The following OR8B8 variants were observed in gnomAD, a reference collection of about 807,000 sequenced individuals.
OR8B8 encodes the protein olfactory receptor 8B8.
Under a neutral mutation model 10.5 loss-of-function variants are expected in OR8B8, and 8 were observed. The observed-to-expected ratio is 0.76, with a 90% CI of 0.45 to 1.38. The LOEUF is 1.38. OR8B8 is among the 40% of genes most tolerant of loss of function. OR8B8 has a pLI of 0.00. For synonymous variants in OR8B8, 150 were observed against 145.2 expected (o/e 1.03, Z -0.24); for missense variants, 390 against 380.5 (o/e 1.03, Z -0.21).
intron 1 of OR8B8, among the ~76,000 whole-genome samples, chr11:124,442,568 G>GT (rs35415315): frequency 0.15 from 22,730 of 152,116 alleles, 1,891 homozygotes; most frequent in African/African-American, 0.2. Context: ...TTGGTTAAGA[G>GT]TTTTTTCCAA....
rs117310666 is a variant in OR8B8, at chr11:124,441,580, G to A, written c.-109C>T. On this transcript the variant is annotated 5_prime_UTR_variant, in exon 2 of 3. Coordinates refer to ENST00000642064, the MANE Select transcript of OR8B8 (RefSeq NM_012378.2). ...CAGAGTTTCAGTGATGTGCCTTTAG[G>A]TCCAGCTCTTATCTTCACTTGTTCA... is the stretch of plus-strand genomic sequence containing the variant. 6.2e-6 allele frequency: 1 copy of A among 161,638 alleles called. No individual in the cohort carries two copies. The highest frequency in any genetic ancestry group is 1.4e-5 in the Non-Finnish European group (1 of 72,738). The allele number at this position is 161,638 out of a possible 1,614,324, so 10.0% of individuals were successfully genotyped here.
In OR8B8 at chr11:124,443,077, T is replaced by G. The variant is rs545075893; in HGVS notation, c.-152-1454A>C. 3.8e-3 allele frequency among the ~76,000 whole-genome samples: 577 copies of G among 152,140 alleles called. 9 individuals are homozygous for G. Among genetic ancestry groups the G allele is most frequent in the African/African-American group, 0.013 (557 of 41,514 alleles). Reference sequence around the variant, plus strand: ...ATTGATCTGGATGTTTAGGCAGGTTTGGGATTCAATGCCCTAATACTCTAT... The same window carrying G: ...ATTGATCTGGATGTTTAGGCAGGTTGGGGATTCAATGCCCTAATACTCTAT... On this transcript the variant is annotated intron_variant, in intron 1 of 2. Transcript: ENST00000642064.
rs1861415757 is a variant in OR8B8, at chr11:124,437,624, CTT to C, written c.*2524_*2525del. 6 of 122,240 alleles carry C rather than the reference CTT, an allele frequency of 4.9e-5. No homozygotes were observed. The South Asian group carries it at 1.1e-3, about 22-fold the overall frequency. 7.6% of individuals were successfully genotyped at this position (122,240 alleles called of 1,614,324 possible). ...AGAGGTGGGGGAGGTCTCTCTCAGA[CTT>C]TGTGTGTGTGTGTGTGTGTGTGTGT... On this transcript the variant is annotated 3_prime_UTR_variant, in exon 3 of 3. Transcript: ENST00000642064.
At chr11:124,442,859 A>C (rs1284407838) in intron 1 of OR8B8, among the ~76,000 whole-genome samples, 1 of 152,208 alleles carries the variant, frequency 6.6e-6, no homozygotes, top group Non-Finnish European at 1.5e-5. Flanking sequence ...AATTTGAATC[A>C]ATATTTAAAA....
rs1022340097 is a variant in OR8B8, at chr11:124,438,283, GTGT to G, written c.*1864_*1866del. The stretch of plus-strand genomic sequence containing the variant: ...TCAATCCCATAGTCAGCTAAATTCT[GTGT>G]TGTTTATCTAGTCCATGCTGTCCAA... On this transcript the variant is annotated 3_prime_UTR_variant, in exon 3 of 3. Coordinates refer to ENST00000642064, the MANE Select transcript of OR8B8 (RefSeq NM_012378.2). 1.3e-5 allele frequency: 2 copies of G among 152,068 alleles called. No homozygotes were observed. Among genetic ancestry groups the G allele is most frequent in the African/African-American group, 4.8e-5 (2 of 41,398 alleles). 9.4% of individuals were successfully genotyped at this position (152,068 alleles called of 1,614,324 possible). A position where few individuals can be genotyped will look rare whatever the true frequency, so the allele number is the denominator to read the frequency against.
At position 124,437,920 on chromosome 11, in the gene OR8B8, G is replaced by A. The variant is rs1344331608; in HGVS notation, c.*2230C>T. 6.6e-6 allele frequency: 1 copy of A among 152,046 alleles called. No homozygotes were observed. The highest frequency in any genetic ancestry group is 1.9e-4 in the East Asian group (1 of 5,186). The allele number at this position is 152,046 out of a possible 1,614,324, so 9.4% of individuals were successfully genotyped here. ...AAATATATCTTGTAAATGGAATGTAGAAATAATCTGATAGAACATGATCAT... is the reference window on the plus strand; with the variant it reads ...AAATATATCTTGTAAATGGAATGTAAAAATAATCTGATAGAACATGATCAT... On this transcript the variant is annotated 3_prime_UTR_variant, in exon 3 of 3. Transcript: ENST00000642064.
In OR8B8 at chr11:124,439,659, A is replaced by G. The variant is rs1323159135; in HGVS notation, c.*491T>C. The G allele has an allele frequency of 6.4e-6, 1 of 157,100 alleles. No homozygotes were observed. Among genetic ancestry groups the G allele is most frequent in the Non-Finnish European group, 1.4e-5 (1 of 70,926 alleles). The allele number at this position is 157,100 out of a possible 1,614,324, so 9.7% of individuals were successfully genotyped here. ...TTTCCCTGGTCATTTGGCCAAGGCCATCTCAACAAAAAATTCTATATACTT... is the reference window on the plus strand; with the variant it reads ...TTTCCCTGGTCATTTGGCCAAGGCCGTCTCAACAAAAAATTCTATATACTT... On this transcript the variant is annotated 3_prime_UTR_variant, in exon 3 of 3. Coordinates refer to ENST00000642064, the MANE Select transcript of OR8B8 (RefSeq NM_012378.2).
chr11:124,445,138 A>G (rs1438584660), intron 1 of OR8B8, among the ~76,000 whole-genome samples: 3 of 152,156 alleles, frequency 2.0e-5, no homozygotes, highest in Admixed American at 1.3e-4. Context: ...CTAGTCTCCT[A>G]GTCTCAGCAA....
In OR8B8 at chr11:124,439,656, G is replaced by C. The variant is rs1387152245; in HGVS notation, c.*494C>G. On this transcript the variant is annotated 3_prime_UTR_variant, in exon 3 of 3. Coordinates refer to ENST00000642064, the MANE Select transcript of OR8B8 (RefSeq NM_012378.2). ...GAATTTCCCTGGTCATTTGGCCAAG[G>C]CCATCTCAACAAAAAATTCTATATA... is the stretch of plus-strand genomic sequence containing the variant. 1 of 156,880 alleles carries C rather than the reference G, an allele frequency of 6.4e-6. No homozygotes were observed. Among genetic ancestry groups the C allele is most frequent in the African/African-American group, 2.4e-5 (1 of 41,458 alleles). The allele number at this position is 156,880 out of a possible 1,614,324, so 9.7% of individuals were successfully genotyped here.
chr11:124,444,857 AG>A (rs1225632532), intron 1 of OR8B8, among the ~76,000 whole-genome samples: 15 of 152,230 alleles, frequency 9.9e-5, no homozygotes. Flanking sequence ...GAGACAAGAG[AG>A]GGTCTGCCAT....
At position 124,437,626 on chromosome 11, in the gene OR8B8, T is replaced by TTGTGTG. The variant is rs66912990; in HGVS notation, c.*2518_*2523dup. 0.013 allele frequency: 1,844 copies of TTGTGTG among 143,962 alleles called. 14 individuals carry two copies. Among genetic ancestry groups the TTGTGTG allele is most frequent in the Admixed American group, 0.02 (291 of 14,648 alleles). The allele number at this position is 143,962 out of a possible 1,614,324, so 8.9% of individuals were successfully genotyped here. On this transcript the variant is annotated 3_prime_UTR_variant, in exon 3 of 3. Coordinates refer to ENST00000642064, the MANE Select transcript of OR8B8 (RefSeq NM_012378.2). ...AGGTGGGGGAGGTCTCTCTCAGACTTTGTGTGTGTGTGTGTGTGTGTGTGT... is the reference window on the plus strand; with the variant it reads ...AGGTGGGGGAGGTCTCTCTCAGACTTTGTGTGTGTGTGTGTGTGTGTGTGTGTGTGT...
chr11:124,445,331 C>CA lies in OR8B8; in HGVS notation c.-153+244dup, dbSNP rs562033028. 5.0e-4 allele frequency among the ~76,000 whole-genome samples: 74 copies of CA among 147,354 alleles called. 2 individuals are homozygous for CA. The South Asian group carries it at 5.8e-3, about 12-fold the overall frequency. On this transcript the variant is annotated intron_variant, in intron 1 of 2. Coordinates refer to ENST00000642064, the MANE Select transcript of OR8B8 (RefSeq NM_012378.2). ...CTTAAAATGAAGACAAAGTCTTTAGCAAAAAAAAAATAGATCTCTAGTTAT... is the reference window on the plus strand; with the variant it reads ...CTTAAAATGAAGACAAAGTCTTTAGCAAAAAAAAAAATAGATCTCTAGTTAT...
intron 1 of OR8B8, among the ~76,000 whole-genome samples, chr11:124,442,027 A>G (rs1478194567): frequency 6.6e-6 from 1 of 151,762 alleles, no homozygotes; most frequent in Admixed American, 6.6e-5. Context: ...ACAATAATTT[A>G]CCATTTATTG....
chr11:124,441,984 TCTA>T lies in OR8B8; in HGVS notation c.-152-364_-152-362del, dbSNP rs1861479871. Among the ~76,000 whole-genome samples, 4 of 152,334 alleles carry T rather than the reference TCTA, an allele frequency of 2.6e-5. No homozygotes were observed. The South Asian group carries it at 8.3e-4, about 32-fold the overall frequency. On this transcript the variant is annotated intron_variant, in intron 1 of 2. Coordinates refer to ENST00000642064, the MANE Select transcript of OR8B8 (RefSeq NM_012378.2). ...CATGAAAATATTTGTTCAATTAACA[TCTA>T]CTCGGAAATATGCAAAGCATTGTGC...
chr11:124,444,375 G>T (rs1319287274), intron 1 of OR8B8, among the ~76,000 whole-genome samples: 15 of 152,130 alleles, frequency 9.9e-5, no homozygotes, highest in Admixed American at 9.8e-4. Flanking sequence ...TCTTGAGCAT[G>T]ACCTATCAAA....
chr11:124,440,167 TG>T lies in OR8B8; in HGVS notation c.918del (p.Asn306LysfsTer21). 6.2e-7 allele frequency: 1 copy of T among 1,612,484 alleles called. No individual in the cohort carries two copies. Among genetic ancestry groups the T allele is most frequent in the South Asian group, 1.1e-5 (1 of 90,906 alleles). On this transcript the variant is annotated frameshift_variant, in exon 3 of 3. Transcript: ENST00000642064. LOFTEE classifies it high-confidence loss of function. ...CCCTTTTCTCAGGAGAATGCATTTTTGTTCAAGATTTTCTTTAGAGCAACTT... is the reference window on the plus strand; with the variant it reads ...CCCTTTTCTCAGGAGAATGCATTTTTTTCAAGATTTTCTTTAGAGCAACTT... The part of the protein sequence containing the change: ...DVKVALKKIL[N>X]KNAFS
rs1861466139 is a variant in OR8B8 at position 124,440,911 on chromosome 11, T to C, written c.175A>G (p.Met59Val). The C allele has an allele frequency of 2.5e-6, 4 of 1,614,096 alleles. No individual in the cohort carries two copies. The highest frequency in any genetic ancestry group is 3.4e-6 in the Non-Finnish European group (4 of 1,180,024). ...GACAAGTTATAGAGGAAGAAGTACATAGGGGTGTGCAAGTGAGAGTTGAGC... is the reference window on the plus strand; with the variant it reads ...GACAAGTTATAGAGGAAGAAGTACACAGGGGTGTGCAAGTGAGAGTTGAGC... Reference protein sequence around the residue: ...IRLNSHLHTPMYFFLYNLSFI... With the variant: ...IRLNSHLHTPVYFFLYNLSFI... Residue 59 changes from methionine to valine, a missense_variant, in exon 3 of 3, where the codon ATG becomes GTG. By Grantham distance (21) the Met-to-Val change is conservative. Transcript: ENST00000642064.
chr11:124,441,095 A>T lies in OR8B8; in HGVS notation c.-10T>A, dbSNP rs774924297. 1.2e-6 allele frequency: 2 copies of T among 1,603,764 alleles called. No homozygotes were observed. Among genetic ancestry groups the T allele is most frequent in the African/African-American group, 2.7e-5 (2 of 74,724 alleles). ...AATTCTCAGCAGCCATTGTCATTTA[A>T]GGCATTCTGTGGGGACAAGGGAAAA... On this transcript the variant is annotated 5_prime_UTR_variant, in exon 3 of 3. Coordinates refer to ENST00000642064, the MANE Select transcript of OR8B8 (RefSeq NM_012378.2).
In OR8B8 at chr11:124,440,667, A is replaced by G. The variant is rs764697887; in HGVS notation, c.419T>C (p.Val140Ala). The G allele has an allele frequency of 1.2e-6, 2 of 1,614,094 alleles. No individual in the cohort carries two copies. The highest frequency in any genetic ancestry group is 1.7e-6 in the Non-Finnish European group (2 of 1,180,012). The stretch of plus-strand genomic sequence containing the variant: ...GACACCCAACAAAAGGAGAAAACAC[A>G]CCTGGGGAGACATGGTGACCATGTA... ...LLYMVTMSPQVCFLLLLGVYG... is the reference protein window; with the variant it reads ...LLYMVTMSPQACFLLLLGVYG... The change falls in exon 3 of 3, where the codon GTG becomes GCG. Residue 140 changes from valine (V) to alanine (A), a missense_variant. Coordinates refer to ENST00000642064, the MANE Select transcript of OR8B8 (RefSeq NM_012378.2).
Sources: allele counts gnomAD v4.1 joint callset (sites outside exome capture counted in the v4.1 genomes callset), GRCh38; gene constraint gnomAD v4.1.1; transcripts MANE v1.5; gene names NCBI Gene and HGNC (gene_info 2026-07-23, HGNC 2026-07-21).